Variants in IL1RAPL1 observed in about 807,000 individuals in gnomAD.
IL1RAPL1 encodes the protein interleukin-1 receptor accessory protein-like 1.
In IL1RAPL1, 3 loss-of-function variants were observed where a neutral mutation model predicts 48.4. The observed-to-expected ratio is 0.06, with a 90% CI of 0.03 to 0.16. IL1RAPL1 has a LOEUF of 0.16. IL1RAPL1 is among the 10% of genes least tolerant of loss of function. The pLI, the probability that IL1RAPL1 is intolerant of heterozygous loss-of-function variation, is 1.00. For missense variants in IL1RAPL1, 349 were observed against 530.6 expected (o/e 0.66, Z 3.36); for synonymous variants, 185 against 187.7 (o/e 0.99, Z 0.12).
intron 3 of IL1RAPL1, among the ~76,000 whole-genome samples, chrX:29,294,166 A>T (rs1932413022): frequency 9.0e-6 from 1 of 111,570 alleles, no homozygotes; most frequent in Admixed American, 9.6e-5. Context: ...GGCTAGGGAA[A>T]GTGTAACTGG....
intron 5 of IL1RAPL1, among the ~76,000 whole-genome samples, chrX:29,508,169 C>T (rs927198620): frequency 3.6e-5 from 4 of 110,991 alleles, no homozygotes; most frequent in African/African-American, 1.3e-4. Flanking sequence ...TCAAGTGTAC[C>T]TGTGGTTGTC....
At chrX:29,637,778 C>T (rs1471913112) in intron 5 of IL1RAPL1, among the ~76,000 whole-genome samples, 2 of 111,494 alleles carry the variant, frequency 1.8e-5, no homozygotes, top group African/African-American at 3.3e-5. Context: ...CTCCACAGCA[C>T]CTGATCAGAT....
At chrX:29,246,097 T>C (rs201259736) in intron 2 of IL1RAPL1, among the ~76,000 whole-genome samples, 49 of 59,858 alleles carry the variant, frequency 8.2e-4, no homozygotes, top group Non-Finnish European at 6.4e-4. Context: ...GGTGCTTTTG[T>C]GTAGATACAA....
intron 5 of IL1RAPL1, among the ~76,000 whole-genome samples, chrX:29,437,599 C>A (rs1912595462): frequency 9.1e-6 from 1 of 110,039 alleles, no homozygotes; most frequent in Non-Finnish European, 1.9e-5. Context: ...TCCCCTAATC[C>A]CTTTATATTT....
chrX:29,236,545 C>CTTTTTTTTTTTTTTTTTTTT (rs754996544), intron 2 of IL1RAPL1, among the ~76,000 whole-genome samples: 338 of 63,087 alleles, frequency 5.4e-3, no homozygotes, highest in Non-Finnish European at 7.0e-3. Flanking sequence ...CTTTTTTTTT[C>CTTTTTTTTTTTTTTTTTTTT]TTTTTTTTTT....
chrX:29,114,007 G>A (rs763258681), intron 2 of IL1RAPL1, among the ~76,000 whole-genome samples: 5 of 111,083 alleles, frequency 4.5e-5, no homozygotes, highest in Non-Finnish European at 9.4e-5. Context: ...AATACATTGC[G>A]TGATTCTGTT....
chrX:29,818,353 C>G (rs1035398371), intron 6 of IL1RAPL1, among the ~76,000 whole-genome samples: 1 of 111,588 alleles, frequency 9.0e-6, no homozygotes, highest in Non-Finnish European at 1.9e-5. Flanking sequence ...TGGCCCGAGG[C>G]GAAAATAATG....
intron 3 of IL1RAPL1, among the ~76,000 whole-genome samples, chrX:29,296,505 A>C (rs1932451825): frequency 1.0e-5 from 1 of 100,464 alleles, no homozygotes; most frequent in South Asian, 4.5e-4. Context: ...AGTAATGCAT[A>C]TTCTTGGACA....
chrX:29,618,266 A>G (rs917022045), intron 5 of IL1RAPL1, among the ~76,000 whole-genome samples: 2 of 111,951 alleles, frequency 1.8e-5, no homozygotes, highest in African/African-American at 6.5e-5. Flanking sequence ...TCAACAATTG[A>G]TTTCCTTGCA....
chrX:29,766,308 A>T (rs2147147990), intron 6 of IL1RAPL1, among the ~76,000 whole-genome samples: 1 of 87,984 alleles, frequency 1.1e-5, no homozygotes, highest in East Asian at 3.5e-4. Context: ...AGCCTGGGAG[A>T]CAGAGTGAGA....
chrX:29,404,513 C>T (rs1934030772), intron 5 of IL1RAPL1, among the ~76,000 whole-genome samples: 1 of 111,303 alleles, frequency 9.0e-6, no homozygotes. Context: ...TCAAAAAACG[C>T]TGTGTAGTAC....
chrX:29,310,503 T>C (rs1301541316), intron 3 of IL1RAPL1, among the ~76,000 whole-genome samples: 2 of 111,229 alleles, frequency 1.8e-5, no homozygotes, highest in African/African-American at 6.5e-5. Flanking sequence ...GAAGAACAAA[T>C]AGAAATAATT....
intron 5 of IL1RAPL1, among the ~76,000 whole-genome samples, chrX:29,497,221 G>A (rs1274943557): frequency 8.9e-6 from 1 of 111,852 alleles, no homozygotes; most frequent in Non-Finnish European, 1.9e-5. Context: ...TTTCCTGCAT[G>A]TTGATCACAT....
intron 3 of IL1RAPL1, among the ~76,000 whole-genome samples, chrX:29,320,516 T>G (rs1352152892): frequency 8.9e-6 from 1 of 112,368 alleles, no homozygotes; most frequent in Non-Finnish European, 1.9e-5. Flanking sequence ...GGCTCATGCC[T>G]GTAATCCCAG....
chrX:29,131,769 C>G (rs1401465070), intron 2 of IL1RAPL1, among the ~76,000 whole-genome samples: 2 of 111,632 alleles, frequency 1.8e-5, no homozygotes, highest in Non-Finnish European at 3.8e-5. Context: ...AACCACTGCT[C>G]TAGACACTAA....
rs1935640053 is a variant in IL1RAPL1 at position 28,724,630 on chromosome X, C to T, written c.-24-64690C>T. Among the ~76,000 whole-genome samples, 4 of 110,993 alleles carry T rather than the reference C, an allele frequency of 3.6e-5. No individual in the cohort carries two copies. In the Admixed American group the frequency reaches 3.9e-4, roughly 11 times the overall value. ...AATATTGTTATGTGTGAATTTGGTCCTGTCATTATGATGTTATCTGGTTAT... is the reference window on the plus strand; with the variant it reads ...AATATTGTTATGTGTGAATTTGGTCTTGTCATTATGATGTTATCTGGTTAT... On this transcript the variant is annotated intron_variant, in intron 1 of 10. Transcript: ENST00000378993.
intron 1 of IL1RAPL1, among the ~76,000 whole-genome samples, chrX:28,602,841 C>T (rs1297317826): frequency 9.0e-6 from 1 of 111,253 alleles, no homozygotes; most frequent in Non-Finnish European, 1.9e-5. Context: ...TTTAATAAAG[C>T]CTCATCATGT....
intron 1 of IL1RAPL1, among the ~76,000 whole-genome samples, chrX:28,751,014 C>G (rs939302228): frequency 1.7e-4 from 19 of 112,065 alleles, no homozygotes; most frequent in African/African-American, 5.8e-4. Context: ...TGGCTGTAGA[C>G]TTTAATTCAA....
chrX:28,662,050 T>G (rs767206358), intron 1 of IL1RAPL1, among the ~76,000 whole-genome samples: 3 of 111,259 alleles, frequency 2.7e-5, no homozygotes, highest in South Asian at 3.9e-4. Context: ...GGAGGCGCCC[T>G]CTTCTTTGCT....
Sources: gnomAD v4.1 joint callset for allele counts (sites outside exome capture counted in the v4.1 genomes callset) on GRCh38, gnomAD v4.1.1 for gene constraint, MANE v1.5 for transcripts, NCBI Gene and HGNC (gene_info 2026-07-23, HGNC 2026-07-21) for gene names.